The following FBXL4 variants were observed in gnomAD, a reference collection of about 807,000 sequenced individuals.
FBXL4 encodes F-box and leucine rich repeat protein 4, also known as F-box/LRR-repeat protein 4.
In FBXL4, 40 loss-of-function variants were observed where a neutral mutation model predicts 58.9. The observed-to-expected ratio is 0.68, with a 90% CI of 0.53 to 0.88. FBXL4 has a LOEUF of 0.88. FBXL4 is among the 40% of genes least tolerant of loss of function. FBXL4 has a pLI of 0.00. For missense variants in FBXL4, 676 were observed against 734.4 expected, an observed-to-expected ratio of 0.92 and a Z score of 0.92; for synonymous variants, 263 against 265.5, an observed-to-expected ratio of 0.99 and a Z score of 0.09.
chr6:98,882,703 C>A (rs1770895638), intron 7 of FBXL4, among the ~76,000 whole-genome samples: 5 of 151,930 alleles, frequency 3.3e-5, no homozygotes, highest in Admixed American at 2.0e-4. Flanking sequence ...CAGAGGTAAC[C>A]TTTATTATGA....
In FBXL4 at chr6:98,870,177, A is replaced by G. The variant is rs547813806; in HGVS notation, c.*4101T>C. 3 of 152,350 alleles carry G rather than the reference A, an allele frequency of 2.0e-5. No homozygotes were observed. Among genetic ancestry groups the G allele is most frequent in the Non-Finnish European group, 4.4e-5 (3 of 68,032 alleles). The allele number at this position is 152,350 out of a possible 1,614,324, so 9.4% of individuals were successfully genotyped here. On this transcript the variant is annotated 3_prime_UTR_variant, in exon 10 of 10. Transcript: ENST00000369244. ...AAATCTAAATGGCAAAATGAGAATG[A>G]TAACAGCGAATTAACAGGTTTGAAT...
rs1176966594 is a variant in FBXL4 at position 98,874,418 on chromosome 6, A to G, written c.1726T>C (p.Ser576Pro). 6.2e-7 allele frequency: 1 copy of G among 1,608,718 alleles called. No individual in the cohort carries two copies. Among genetic ancestry groups the G allele is most frequent in the South Asian group, 1.1e-5 (1 of 90,080 alleles). ...ILGTRMVSPASLRKLLESCKD... is the reference protein window; with the variant it reads ...ILGTRMVSPAPLRKLLESCKD... ...CAAGATTCCAGGAGTTTTCTTAAGG[A>G]TGCCGGACTTACCATTCTTGTTCCT... Residue 576 changes from serine to proline, a missense_variant, in exon 10 of 10, where the codon TCC becomes CCC. Ser to Pro is a moderately conservative substitution (Grantham distance 74). Transcript: ENST00000369244.
intron 7 of FBXL4, among the ~76,000 whole-genome samples, chr6:98,886,210 AAC>A (rs1217244713): frequency 6.6e-6 from 1 of 152,232 alleles, no homozygotes; most frequent in African/African-American, 2.4e-5. Flanking sequence ...ATAGATAAAT[AAC>A]AGAGTCACTA....
At position 98,872,196 on chromosome 6, in the gene FBXL4, C is replaced by T. The variant is rs1159475538; in HGVS notation, c.*2082G>A. 1 of 152,162 alleles carries T rather than the reference C, an allele frequency of 6.6e-6. No homozygotes were observed. The highest frequency in any genetic ancestry group is 2.4e-5 in the African/African-American group (1 of 41,436). The allele number at this position is 152,162 out of a possible 1,614,324, so 9.4% of individuals were successfully genotyped here. A position where few individuals can be genotyped will look rare whatever the true frequency, so the allele number is the denominator to read the frequency against. On this transcript the variant is annotated 3_prime_UTR_variant, in exon 10 of 10. Coordinates refer to ENST00000369244, the MANE Select transcript of FBXL4 (RefSeq NM_001278716.2). The stretch of plus-strand genomic sequence containing the variant: ...GAGTTTGCAAATGTAAAGGAAATTT[C>T]CATTTTTCAAAATCAATTTAACAGT...
chr6:98,870,770 T>C lies in FBXL4; in HGVS notation c.*3508A>G, dbSNP rs931266784. 3.9e-5 allele frequency: 6 copies of C among 152,212 alleles called. No individual in the cohort carries two copies. The East Asian group carries it at 1.2e-3, about 29-fold the overall frequency. 9.4% of individuals were successfully genotyped at this position (152,212 alleles called of 1,614,324 possible). A position where few individuals can be genotyped will look rare whatever the true frequency, so the allele number is the denominator to read the frequency against. ...TATGATGTTTAATATGCAATGTCAT[T>C]ATAGCTGTTCTTAAAGAATACTATA... is the stretch of plus-strand genomic sequence containing the variant. On this transcript the variant is annotated 3_prime_UTR_variant, in exon 10 of 10. Transcript: ENST00000369244.
chr6:98,907,679 T>G (rs1466676230), intron 5 of FBXL4, among the ~76,000 whole-genome samples: 1 of 149,626 alleles, frequency 6.7e-6, no homozygotes, highest in Non-Finnish European at 1.5e-5. Flanking sequence ...TGAGAGAGGG[T>G]TTTTTTTAAT....
chr6:98,911,601 C>A (rs1582412862), intron 5 of FBXL4, among the ~76,000 whole-genome samples: 1 of 152,232 alleles, frequency 6.6e-6, no homozygotes, highest in Non-Finnish European at 1.5e-5. Context: ...CAAACTCCAA[C>A]AGACCTGCAG....
In FBXL4 at chr6:98,917,707, A is replaced by G. The variant is rs1160574413; in HGVS notation, c.525T>C (p.Leu175=). ...NPPAEVRWEI[L]WSERPTKVNA... ...TCACCTTCGTAGGTCTCTCTGACCA[A>G]AGAATCTCCCATCTGCCAAAAAAAG... Residue 175 remains leucine, a synonymous_variant, in exon 5 of 10, where the codon CTT becomes CTC. Transcript: ENST00000369244. 2 of 1,596,170 alleles carry G rather than the reference A, an allele frequency of 1.3e-6. No individual in the cohort carries two copies. The highest frequency in any genetic ancestry group is 4.5e-5 in the East Asian group (2 of 44,810).
chr6:98,926,610 C>T lies in FBXL4; in HGVS notation c.379G>A (p.Val127Met), dbSNP rs1337426271. The T allele has an allele frequency of 1.9e-6, 3 of 1,614,056 alleles. No individual in the cohort carries two copies. In the East Asian group the frequency reaches 6.7e-5, roughly 36 times the overall value. Residue 127 changes from valine (V) to methionine (M), a missense_variant, in exon 4 of 10, where the codon GTG becomes ATG. Transcript: ENST00000369244. ...ACCTGTTGTTCAAAAGTAAGTTCCA[C>T]ATAGTCCTGGCTCTGAAAATTAGGT... ...TPPNFQSQDY[V>M]ELTFEQQVYP...
At position 98,882,105 on chromosome 6, in the gene FBXL4, T is replaced by C. The variant is rs368780397; in HGVS notation, c.1318-1481A>G. Among the ~76,000 whole-genome samples the C allele has an allele frequency of 7.9e-5, 12 of 152,216 alleles. 1 individual carries two copies. Among genetic ancestry groups the C allele is most frequent in the African/African-American group, 2.2e-4 (9 of 41,568 alleles). The stretch of plus-strand genomic sequence containing the variant: ...ACATAGAGATAAATACACACATACA[T>C]ATAATTCACACAACTTGTTTGGTAA... On this transcript the variant is annotated intron_variant, in intron 7 of 9. Coordinates refer to ENST00000369244, the MANE Select transcript of FBXL4 (RefSeq NM_001278716.2).
intron 4 of FBXL4, among the ~76,000 whole-genome samples, chr6:98,924,206 A>G: frequency 6.6e-6 from 1 of 152,170 alleles, no homozygotes; most frequent in Non-Finnish European, 1.5e-5. Context: ...ATTTTTGGAA[A>G]AAAGTAGGTA....
At chr6:98,902,245 C>T (rs765336635) in intron 6 of FBXL4, among the ~76,000 whole-genome samples, 5 of 151,916 alleles carry the variant, frequency 3.3e-5, no homozygotes, top group Admixed American at 2.0e-4. Flanking sequence ...TGACCCTCAC[C>T]GAGTTTTCTA....
At chr6:98,902,155 A>G (rs1322872927) in intron 6 of FBXL4, among the ~76,000 whole-genome samples, 1 of 152,180 alleles carries the variant, frequency 6.6e-6, no homozygotes, top group African/African-American at 2.4e-5. Flanking sequence ...TAGTCCTCAG[A>G]AATTGCCTGA....
At chr6:98,890,785 G>A (rs1373235259) in intron 7 of FBXL4, among the ~76,000 whole-genome samples, 1 of 152,068 alleles carries the variant, frequency 6.6e-6, no homozygotes, top group Non-Finnish European at 1.5e-5. Context: ...CGGGCATGGT[G>A]GCACACGCCT....
At chr6:98,898,192 G>T in intron 7 of FBXL4, 1 of 643,702 alleles carries the variant, frequency 1.6e-6, no homozygotes, top group Non-Finnish European at 1.9e-6. Context: ...TAATGAGCTA[G>T]ACAAACATTC....
chr6:98,908,000 CA>C (rs1422256090), intron 5 of FBXL4, among the ~76,000 whole-genome samples: 2 of 152,154 alleles, frequency 1.3e-5, no homozygotes, highest in African/African-American at 4.8e-5. Context: ...TCAGACACTG[CA>C]AAATCCCATT....
intron 5 of FBXL4, among the ~76,000 whole-genome samples, chr6:98,914,235 G>A (rs1772230418): frequency 6.6e-6 from 1 of 152,146 alleles, no homozygotes; most frequent in African/African-American, 2.4e-5. Flanking sequence ...TTTATCAGAG[G>A]TACAAGGAGG....
intron 4 of FBXL4, among the ~76,000 whole-genome samples, chr6:98,920,791 C>T (rs950025116): frequency 2.7e-5 from 4 of 149,634 alleles, no homozygotes; most frequent in African/African-American, 7.5e-5. Flanking sequence ...CATAAACATA[C>T]GCACATGTAC....
At position 98,939,760 on chromosome 6, in the gene FBXL4, T is replaced by A. The variant is rs566769321; in HGVS notation, c.-308-4881A>T. On this transcript the variant is annotated intron_variant, in intron 1 of 9. Transcript: ENST00000369244. ...GTGGCACTTTCTAAGGGTCCCATGG[T>A]GTTATTCAAAGTTTATGGTATTACA... 3.3e-5 allele frequency among the ~76,000 whole-genome samples: 5 copies of A among 152,372 alleles called. No homozygotes were observed. The East Asian group carries it at 9.6e-4, about 29-fold the overall frequency.
Sources: gnomAD v4.1 joint callset for allele counts (sites outside exome capture counted in the v4.1 genomes callset) on GRCh38, gnomAD v4.1.1 for gene constraint, MANE v1.5 for transcripts, NCBI Gene and HGNC (gene_info 2026-07-23, HGNC 2026-07-21) for gene names.